HYDIN: variants seen among roughly 807,000 people sequenced by gnomAD.
The protein encoded by HYDIN is HYDIN axonemal central pair apparatus protein.
HYDIN carries 132 observed loss-of-function variants against 403.9 expected under a neutral mutation model. The observed-to-expected ratio is 0.33, with a 90% confidence interval of 0.28 to 0.38. The LOEUF is 0.38. Among genes scored for constraint, HYDIN ranks in the 10% least tolerant of loss-of-function variants. HYDIN has a pLI of 1.00. For synonymous variants in HYDIN, 1,202 were observed against 1,891.7 expected, an observed-to-expected ratio of 0.64 and a Z score of 9.46; for missense variants, 2,827 against 5,009.5, an observed-to-expected ratio of 0.56 and a Z score of 13.15.
At chr16:71,059,899 C>A (rs2082025826) in intron 18 of HYDIN, among the ~76,000 whole-genome samples, 2 of 151,958 alleles carry the variant, frequency 1.3e-5, no homozygotes, top group African/African-American at 4.8e-5. Context: ...ATTTCTAAAA[C>A]CATTTTACAT....
In HYDIN at chr16:70,938,701, T is replaced by C. The variant is rs1009425972; in HGVS notation, c.6908A>G (p.Asp2303Gly). Residue 2303 changes from aspartate to glycine, a missense_variant, in exon 44 of 86, where the codon GAT (aspartate) becomes GGT (glycine). By Grantham distance (94) the Asp-to-Gly change is moderately conservative (BLOSUM62 -1). Transcript: ENST00000393567. The part of the protein sequence containing the change: ...EKEKERLQNM[D>G]EEEYDALTEE... ...AGTCAGGGCATCATATTCTTCCTCATCCATGTTTTGGAGACGCTCCTTCTC... is the reference window on the plus strand; with the variant it reads ...AGTCAGGGCATCATATTCTTCCTCACCCATGTTTTGGAGACGCTCCTTCTC... The C allele has an allele frequency of 6.2e-6, 10 of 1,614,002 alleles. No homozygotes were observed. In the Admixed American group the frequency reaches 1.3e-4, roughly 22 times the overall value.
At chr16:71,120,172 G>T (rs1434398655) in intron 9 of HYDIN, among the ~76,000 whole-genome samples, 1 of 151,022 alleles carries the variant, frequency 6.6e-6, no homozygotes, top group Non-Finnish European at 1.5e-5. Flanking sequence ...GATTGAATCT[G>T]TAAGTGACTA....
chr16:71,041,860 G>A (rs1179521348), intron 18 of HYDIN, among the ~76,000 whole-genome samples: 2 of 152,014 alleles, frequency 1.3e-5, no homozygotes, highest in Non-Finnish European at 2.9e-5. Flanking sequence ...ACTCTTTTTA[G>A]AGCTCACTTA....
At chr16:70,905,661 A>C in intron 50 of HYDIN, among the ~76,000 whole-genome samples, 1 of 151,100 alleles carries the variant, frequency 6.6e-6, no homozygotes. Flanking sequence ...AAAGACAAGA[A>C]AAGAAAAGAA....
chr16:71,015,234 G>A (rs908981184), intron 23 of HYDIN, among the ~76,000 whole-genome samples: 4 of 151,944 alleles, frequency 2.6e-5, no homozygotes, highest in Non-Finnish European at 5.9e-5. Context: ...CAACAAACAA[G>A]TTATAAGCAG....
At chr16:71,112,634 T>A (rs1360225550) in intron 10 of HYDIN, among the ~76,000 whole-genome samples, 3 of 151,240 alleles carry the variant, frequency 2.0e-5, no homozygotes, top group Admixed American at 2.0e-4. Context: ...TTTGAGTGAC[T>A]AGGAACCAGA....
At chr16:70,965,736 T>A (rs2143965027) in intron 36 of HYDIN, among the ~76,000 whole-genome samples, 1 of 152,168 alleles carries the variant, frequency 6.6e-6, no homozygotes, top group South Asian at 2.1e-4. Flanking sequence ...TGTAAATATT[T>A]GAACACCACT....
chr16:71,102,517 A>AT (rs2083488503), intron 10 of HYDIN, among the ~76,000 whole-genome samples: 1 of 151,520 alleles, frequency 6.6e-6, no homozygotes, highest in Non-Finnish European at 1.5e-5. Flanking sequence ...ACCTAAATTC[A>AT]TTATCTAAAT....
At chr16:71,227,548 T>C (rs2041090937) in intron 1 of HYDIN, among the ~76,000 whole-genome samples, 1 of 152,090 alleles carries the variant, frequency 6.6e-6, no homozygotes, top group Non-Finnish European at 1.5e-5. Context: ...AAATCATGAG[T>C]GAACTCCCAT....
At position 70,804,634 on chromosome 16, in the gene HYDIN, G is replaced by A. The variant is rs1323608841; in HGVS notation, c.*2946C>T. Reference sequence around the variant, plus strand: ...AAATATCTCAAACGGAAAACTTAACGTTTCCTAATGTTCAAGTTGTTATCT... The same window carrying A: ...AAATATCTCAAACGGAAAACTTAACATTTCCTAATGTTCAAGTTGTTATCT... On this transcript the variant is annotated 3_prime_UTR_variant, in exon 86 of 86. Coordinates refer to ENST00000393567, the MANE Select transcript of HYDIN (RefSeq NM_001270974.2). Among the ~76,000 whole-genome samples the A allele has an allele frequency of 2.0e-5, 3 of 151,212 alleles. No homozygotes were observed. Among genetic ancestry groups the A allele is most frequent in the South Asian group, 2.1e-4 (1 of 4,794 alleles).
chr16:70,807,465 T>C lies in HYDIN; in HGVS notation c.*115A>G, dbSNP rs2035158335. 8.4e-7 allele frequency: 1 copy of C among 1,196,520 alleles called. No individual in the cohort carries two copies. 74.1% of individuals were successfully genotyped at this position (1,196,520 alleles called of 1,614,324 possible). A position where few individuals can be genotyped will look rare whatever the true frequency, so the allele number is the denominator to read the frequency against. ...ACATAATAGGGAAATAACTGCCCTA[T>C]AATTGTATGAGAAGAATAAAAACAG... On this transcript the variant is annotated 3_prime_UTR_variant, in exon 86 of 86. Transcript: ENST00000393567.
Position 70,920,744 on chromosome 16 carries a change from C to A in HYDIN, c.7632G>T (p.Glu2544Asp), listed in dbSNP as rs1056587003. The A allele has an allele frequency of 1.5e-5, 24 of 1,573,576 alleles. No individual in the cohort carries two copies. In the African/African-American group the frequency reaches 2.6e-4, roughly 17 times the overall value. The change falls in exon 46 of 86, where the codon GAG becomes GAT. Residue 2544 changes from glutamate (E) to aspartate (D), a missense_variant. Coordinates refer to ENST00000393567, the MANE Select transcript of HYDIN (RefSeq NM_001270974.2). ...ERLEKLRALE[E>D]RSDWEGEGEE... ...CCCCTTCCCCCTCCCAGTCGCTCCG[C>A]TCCTCCAGGGCTCGCAGCTTCTCCA...
intron 23 of HYDIN, among the ~76,000 whole-genome samples, chr16:70,992,937 G>A (rs975823471): frequency 5.9e-5 from 9 of 152,170 alleles, no homozygotes; most frequent in Non-Finnish European, 1.3e-4. Flanking sequence ...TTTCCCCTTG[G>A]TGCATGGCTT....
rs1355131454 is a variant in HYDIN at position 70,880,232 on chromosome 16, T to A, written c.10216-476A>T. ...TGCCACTATGCCCAGCTAATTTTTTTTTTTTTTGTACATATGGGGTTTCAT... is the reference window on the plus strand; with the variant it reads ...TGCCACTATGCCCAGCTAATTTTTTATTTTTTTGTACATATGGGGTTTCAT... On this transcript the variant is annotated intron_variant, in intron 60 of 85. Transcript: ENST00000393567. Among the ~76,000 whole-genome samples, 4 of 137,122 alleles carry A rather than the reference T, an allele frequency of 2.9e-5. No homozygotes were observed. In the East Asian group the frequency reaches 7.8e-4, roughly 27 times the overall value. The allele number at this position is 137,122 out of a possible 152,430, so 90.0% of individuals were successfully genotyped here.
At position 70,806,217 on chromosome 16, in the gene HYDIN, AT is replaced by A. The variant is rs2143408443; in HGVS notation, c.*1362del. 6.6e-6 allele frequency among the ~76,000 whole-genome samples: 1 copy of A among 152,312 alleles called. No homozygotes were observed. Among genetic ancestry groups the A allele is most frequent in the South Asian group, 2.1e-4 (1 of 4,824 alleles). On this transcript the variant is annotated 3_prime_UTR_variant, in exon 86 of 86. Transcript: ENST00000393567. ...ATTTATAAATTAATCAAAGGTATGT[AT>A]GTAAAGGAAAATACCACAGTATATG... is the stretch of plus-strand genomic sequence containing the variant.
intron 1 of HYDIN, among the ~76,000 whole-genome samples, chr16:71,222,392 A>G (rs558646965): frequency 1.3e-5 from 2 of 152,302 alleles, no homozygotes; most frequent in South Asian, 4.1e-4. Context: ...CTGAATGCAG[A>G]AAAGTTGAAA....
intron 1 of HYDIN, among the ~76,000 whole-genome samples, chr16:71,221,017 A>G (rs1387720626): frequency 1.3e-5 from 2 of 152,178 alleles, no homozygotes; most frequent in East Asian, 3.9e-4. Flanking sequence ...ACTGAAACAA[A>G]TTTGGTAGGA....
At chr16:71,158,466 A>G (rs2085866349) in intron 6 of HYDIN, among the ~76,000 whole-genome samples, 1 of 151,436 alleles carries the variant, frequency 6.6e-6, no homozygotes, top group Non-Finnish European at 1.5e-5. Context: ...TTTGCTTCAC[A>G]TTTACATGAA....
intron 47 of HYDIN, among the ~76,000 whole-genome samples, chr16:70,916,755 T>C (rs796119572): frequency 6.6e-6 from 1 of 152,174 alleles, no homozygotes; most frequent in East Asian, 1.9e-4. Flanking sequence ...GAGACCAGAT[T>C]TGTGTTCTTA....
Sources: allele counts gnomAD v4.1 joint callset (sites outside exome capture counted in the v4.1 genomes callset), GRCh38; gene constraint gnomAD v4.1.1; transcripts MANE v1.5; gene names NCBI Gene and HGNC (gene_info 2026-07-23, HGNC 2026-07-21).